Variants in ARAP2 observed in about 807,000 individuals in gnomAD.
The protein encoded by ARAP2 is ArfGAP with RhoGAP domain, ankyrin repeat and PH domain 2, also known as arf-GAP with Rho-GAP domain, ANK repeat and PH domain-containing protein 2.
In ARAP2, 148 loss-of-function variants were observed where a neutral mutation model predicts 194.5. The observed-to-expected ratio is 0.76, with a 90% CI of 0.67 to 0.87. The LOEUF (loss-of-function observed/expected upper bound fraction) is 0.87. Among genes scored for constraint, ARAP2 ranks in the 40% least tolerant of loss-of-function variants. The pLI is 0.00. For missense variants in ARAP2, 2,128 were observed against 1,989.7 expected, an observed-to-expected ratio of 1.07 and a Z score of -1.32; for synonymous variants, 695 against 683.5, an observed-to-expected ratio of 1.02 and a Z score of -0.26.
At chr4:36,020,239 C>T (rs1221214176) in intron 5 of ARAP2, among the ~76,000 whole-genome samples, 2 of 152,080 alleles carry the variant, frequency 1.3e-5, no homozygotes, top group Non-Finnish European at 2.9e-5. Context: ...GGTGAAACCC[C>T]GCCTCTATTA....
rs1473137183 is a variant in ARAP2 at position 36,229,149 on chromosome 4, T to C, written c.338A>G (p.Gln113Arg). Reference sequence around the variant, plus strand: ...CTCCAACTGCGGTGGGCTAGATGTCTGAACACTACCAGAATTGGAAAGTTC... The same window carrying C: ...CTCCAACTGCGGTGGGCTAGATGTCCGAACACTACCAGAATTGGAAAGTTC... ...CIELSNSGSV[Q>R]TSSPPQLETV... The change falls in exon 2 of 33, where the codon CAG becomes CGG. Residue 113 changes from glutamine to arginine, a missense_variant. By Grantham distance (43) the Gln-to-Arg change is conservative. Coordinates refer to ENST00000303965, the MANE Select transcript of ARAP2 (RefSeq NM_015230.4). 1 of 1,614,154 alleles carries C rather than the reference T, an allele frequency of 6.2e-7. No individual in the cohort carries two copies. The highest frequency in any genetic ancestry group is 8.5e-7 in the Non-Finnish European group (1 of 1,180,022).
At chr4:36,225,878 T>C (rs1437242738) in intron 2 of ARAP2, among the ~76,000 whole-genome samples, 3 of 152,182 alleles carry the variant, frequency 2.0e-5, no homozygotes, top group African/African-American at 7.2e-5. Context: ...GCAGGTTCAA[T>C]ATCAATGACC....
intron 28 of ARAP2, 125 bp downstream of exon 28, chr4:36,091,756 A>G (rs1577840260): frequency 9.4e-7 from 1 of 1,064,598 alleles, no homozygotes; most frequent in East Asian, 2.6e-5. Flanking sequence ...GAAGCAAATC[A>G]TCAGCTTACC....
chr4:36,023,198 C>A (rs760261958), intron 5 of ARAP2, among the ~76,000 whole-genome samples: 1 of 152,092 alleles, frequency 6.6e-6, no homozygotes, highest in Non-Finnish European at 1.5e-5. Flanking sequence ...CCAAAGAGTT[C>A]GGCACTTGCT....
At chr4:36,203,163 G>C (rs1210376175) in intron 6 of ARAP2, among the ~76,000 whole-genome samples, 3 of 152,194 alleles carry the variant, frequency 2.0e-5, no homozygotes, top group African/African-American at 7.2e-5. Context: ...ATTCAATGGA[G>C]AGAATAAAAC....
At chr4:36,162,604 C>CTTTTTT (rs3055949) in intron 11 of ARAP2, among the ~76,000 whole-genome samples, 17 of 142,566 alleles carry the variant, frequency 1.2e-4, no homozygotes, top group East Asian at 8.2e-4. Context: ...AAGTTCTTGT[C>CTTTTTT]TTTTTTTTTT....
chr4:36,220,293 T>C (rs987823745), intron 2 of ARAP2, among the ~76,000 whole-genome samples: 25 of 152,178 alleles, frequency 1.6e-4, no homozygotes, highest in African/African-American at 5.8e-4. Context: ...AGACTGAACA[T>C]ATGACAGTGA....
At chr4:36,012,806 T>C (rs1449021049) in exon 9 of ARAP2, 1 of 152,198 alleles carries the variant, frequency 6.6e-6, no homozygotes, top group Non-Finnish European at 1.5e-5. Context: ...TGGGGATGTG[T>C]TTCTCATTCT....
chr4:36,067,848 C>A lies in ARAP2; in HGVS notation c.*59G>T. The A allele has an allele frequency of 1.3e-6, 2 of 1,495,686 alleles. No homozygotes were observed. Among genetic ancestry groups the A allele is most frequent in the Non-Finnish European group, 8.9e-7 (1 of 1,119,564 alleles). The allele number at this position is 1,495,686 out of a possible 1,614,324, so 92.7% of individuals were successfully genotyped here. A position where few individuals can be genotyped will look rare whatever the true frequency, so the allele number is the denominator to read the frequency against. ...ATCTTATAGTTCAGTTTTGGAGTTA[C>A]ACATAAAGATTGCATACAATATTAA... On this transcript the variant is annotated 3_prime_UTR_variant, in exon 33 of 33. Transcript: ENST00000303965.
intron 8 of ARAP2, among the ~76,000 whole-genome samples, chr4:36,014,224 C>CGGAA (rs1392259044): frequency 0.023 from 1,394 of 61,752 alleles, 160 homozygotes; most frequent in African/African-American, 0.044. Context: ...GAGACCCTAT[C>CGGAA]GAAAGAAAGA....
Position 36,172,386 on chromosome 4 carries a change from A to T in ARAP2, c.1858-5339T>A, listed in dbSNP as rs145926198. ...TGGTATTATTATAAAGAGTAAATAA[A>T]GCAACATAAATTAAGGGTCTGATAC... is the stretch of plus-strand genomic sequence containing the variant. On this transcript the variant is annotated intron_variant, in intron 9 of 32. Coordinates refer to ENST00000303965, the MANE Select transcript of ARAP2 (RefSeq NM_015230.4). Among the ~76,000 whole-genome samples, 244 of 152,368 alleles carry T rather than the reference A, an allele frequency of 1.6e-3. 1 individual carries two copies. The highest frequency in any genetic ancestry group is 5.7e-3 in the African/African-American group (237 of 41,584).
At chr4:36,023,975 T>C (rs1033934634) in intron 5 of ARAP2, among the ~76,000 whole-genome samples, 4 of 148,380 alleles carry the variant, frequency 2.7e-5, no homozygotes, top group Non-Finnish European at 4.5e-5. Flanking sequence ...AAAAAAAAAA[T>C]GACGTTTGTG....
At chr4:36,227,539 C>A (rs13126239) in intron 2 of ARAP2, among the ~76,000 whole-genome samples, 56,850 of 151,972 alleles carry the variant, frequency 0.37, 11,104 homozygotes, top group Middle Eastern at 0.46. Context: ...TATCTTGTAA[C>A]TACTATTAGC....
At chr4:36,205,444 G>A (rs1745345137) in intron 6 of ARAP2, among the ~76,000 whole-genome samples, 2 of 152,120 alleles carry the variant, frequency 1.3e-5, no homozygotes, top group South Asian at 4.1e-4. Flanking sequence ...ACTACTTTCT[G>A]ACATTTAAAC....
chr4:36,224,121 TC>T (rs1749741678), intron 2 of ARAP2, among the ~76,000 whole-genome samples: 2 of 149,118 alleles, frequency 1.3e-5, no homozygotes, highest in South Asian at 4.2e-4. Flanking sequence ...GTCAAAGATA[TC>T]CCCTTATGAA....
chr4:36,197,245 T>A (rs1300409666), intron 6 of ARAP2, among the ~76,000 whole-genome samples: 1 of 152,186 alleles, frequency 6.6e-6, no homozygotes, highest in Non-Finnish European at 1.5e-5. Context: ...GACTTTGAGA[T>A]CCTTGAGTAC....
chr4:36,135,604 T>C (rs1726507962), intron 19 of ARAP2, among the ~76,000 whole-genome samples: 2 of 151,962 alleles, frequency 1.3e-5, no homozygotes, highest in Non-Finnish European at 2.9e-5. Flanking sequence ...AGCCTTTTCA[T>C]TGATCTTATA....
chr4:36,217,277 C>T (rs1050508907), intron 2 of ARAP2, among the ~76,000 whole-genome samples: 8 of 152,138 alleles, frequency 5.3e-5, no homozygotes, highest in African/African-American at 1.4e-4. Context: ...TTTGGGAAAC[C>T]GAGGTGGGCA....
chr4:36,196,119 GT>G (rs1041146144), intron 6 of ARAP2, among the ~76,000 whole-genome samples: 1 of 152,160 alleles, frequency 6.6e-6, no homozygotes, highest in Non-Finnish European at 1.5e-5. Context: ...TAAATTCAAA[GT>G]TTTGAAACCT....
Sources: allele counts gnomAD v4.1 joint callset (sites outside exome capture counted in the v4.1 genomes callset), GRCh38; gene constraint gnomAD v4.1.1; transcripts MANE v1.5; gene names NCBI Gene and HGNC (gene_info 2026-07-23, HGNC 2026-07-21).